SLC13A1: variants seen among roughly 807,000 people sequenced by gnomAD.
The protein encoded by SLC13A1 is solute carrier family 13 member 1, also known as Na(+)/sulfate cotransporter.
In SLC13A1, 65 loss-of-function variants were observed where a neutral mutation model predicts 70.0. The observed-to-expected ratio is 0.93, with a 90% CI of 0.76 to 1.14. The LOEUF (loss-of-function observed/expected upper bound fraction) is 1.14, where lower values mean the gene tolerates loss of function less well. Ranked by LOEUF, SLC13A1 falls within the 50% of genes most tolerant of loss-of-function variation. The pLI is 0.00. For synonymous variants in SLC13A1, 275 were observed against 250.5 expected, an observed-to-expected ratio of 1.10 and a Z score of -0.92; for missense variants, 726 against 717.8, an observed-to-expected ratio of 1.01 and a Z score of -0.13.
At chr7:123,178,795 AG>A (rs1238136664) in intron 2 of SLC13A1, among the ~76,000 whole-genome samples, 3 of 152,172 alleles carry the variant, frequency 2.0e-5, no homozygotes, top group Non-Finnish European at 4.4e-5. Flanking sequence ...TAAACTTACA[AG>A]GTGAAGAGAA....
chr7:123,121,522 A>G (rs918997192), intron 12 of SLC13A1, among the ~76,000 whole-genome samples: 2 of 152,104 alleles, frequency 1.3e-5, no homozygotes, highest in African/African-American at 4.8e-5. Flanking sequence ...ATGGATTGAC[A>G]TGTTTTTGTT....
In SLC13A1 at chr7:123,160,682, C is replaced by G. The variant is rs147876137; in HGVS notation, c.660+7692G>C. The stretch of plus-strand genomic sequence containing the variant: ...AATGAAAAATATTTATTATAGCTGA[C>G]TATGTGCTAGTCCGAAAAGCTGCTT... On this transcript the variant is annotated intron_variant, in intron 6 of 14. Transcript: ENST00000194130. 4.0e-3 allele frequency among the ~76,000 whole-genome samples: 615 copies of G among 152,200 alleles called. 1 individual carries two copies. The highest frequency in any genetic ancestry group is 6.7e-3 in the Non-Finnish European group (459 of 68,016).
chr7:123,157,253 A>G (rs939980466), intron 6 of SLC13A1, among the ~76,000 whole-genome samples: 1 of 152,168 alleles, frequency 6.6e-6, no homozygotes, highest in Non-Finnish European at 1.5e-5. Flanking sequence ...AATAACCTGA[A>G]GAATTCAGAG....
chr7:123,134,301 T>C, intron 8 of SLC13A1, 109 bp downstream of exon 8: 1 of 986,268 alleles, frequency 1.0e-6, no homozygotes, highest in South Asian at 1.7e-5. Flanking sequence ...GCAACAAAAA[T>C]GCAGAAAGGT....
chr7:123,161,807 C>A (rs1794914887), intron 6 of SLC13A1, among the ~76,000 whole-genome samples: 1 of 152,064 alleles, frequency 6.6e-6, no homozygotes, highest in Non-Finnish European at 1.5e-5. Flanking sequence ...TGGACTATAG[C>A]TAACTTGGCA....
At chr7:123,193,506 A>G (rs1208147370) in intron 1 of SLC13A1, among the ~76,000 whole-genome samples, 1 of 152,202 alleles carries the variant, frequency 6.6e-6, no homozygotes, top group Admixed American at 6.5e-5. Flanking sequence ...ATCCAGGCTG[A>G]GAGAGGCATC....
At chr7:123,148,298 A>G (rs1242803959) in intron 6 of SLC13A1, 2 of 303,520 alleles carry the variant, frequency 6.6e-6, no homozygotes, top group African/African-American at 4.5e-5. Flanking sequence ...GAATGACTAC[A>G]CTATGTTCAT....
intron 7 of SLC13A1, among the ~76,000 whole-genome samples, chr7:123,145,993 T>G (rs1289637544): frequency 6.6e-6 from 1 of 152,190 alleles, no homozygotes; most frequent in Non-Finnish European, 1.5e-5. Context: ...TCCTAGGCTT[T>G]CTCAATTGTG....
rs950194314 is a variant in SLC13A1 at position 123,114,692 on chromosome 7, A to G, written c.*826T>C. ...TAAGCAAAGTTGTTACTCATATACG[A>G]AAATATGTTAATAGTTTTATAGTGT... On this transcript the variant is annotated 3_prime_UTR_variant, in exon 15 of 15. Transcript: ENST00000194130. 6.6e-6 allele frequency: 1 copy of G among 152,158 alleles called. No individual in the cohort carries two copies. Among genetic ancestry groups the G allele is most frequent in the African/African-American group, 2.4e-5 (1 of 41,458 alleles). 9.4% of individuals were successfully genotyped at this position (152,158 alleles called of 1,614,324 possible).
At chr7:123,172,436 C>A (rs1165082968) in intron 2 of SLC13A1, among the ~76,000 whole-genome samples, 1 of 152,178 alleles carries the variant, frequency 6.6e-6, no homozygotes, top group African/African-American at 2.4e-5. Context: ...TCCTGGCCAA[C>A]ATAGTGAAAC....
chr7:123,140,298 G>C (rs1029272830), intron 7 of SLC13A1, among the ~76,000 whole-genome samples: 1 of 151,976 alleles, frequency 6.6e-6, no homozygotes, highest in African/African-American at 2.4e-5. Context: ...TGGTCATGAT[G>C]AATGATCTTT....
chr7:123,194,669 G>A (rs1796118297), intron 1 of SLC13A1, among the ~76,000 whole-genome samples: 1 of 151,914 alleles, frequency 6.6e-6, no homozygotes, highest in African/African-American at 2.4e-5. Context: ...AGGAAAGAGA[G>A]GAGAAGATGA....
At chr7:123,124,353 T>G (rs983314414) in intron 11 of SLC13A1, among the ~76,000 whole-genome samples, 7 of 152,150 alleles carry the variant, frequency 4.6e-5, no homozygotes, top group African/African-American at 1.7e-4. Context: ...TGCTCCATAT[T>G]GCATCACCTC....
At chr7:123,199,397 C>A (rs1450000985) in intron 1 of SLC13A1, among the ~76,000 whole-genome samples, 2 of 152,064 alleles carry the variant, frequency 1.3e-5, no homozygotes, top group African/African-American at 4.8e-5. Flanking sequence ...AGTTCTGTGA[C>A]AAAGCCACAG....
intron 6 of SLC13A1, 108 bp from the exon 7 acceptor site, chr7:123,147,418 C>G: frequency 7.8e-7 from 1 of 1,284,090 alleles, no homozygotes; most frequent in Non-Finnish European, 1.1e-6. Context: ...AACCCTAACT[C>G]CTGATGTGAT....
chr7:123,168,383 C>T lies in SLC13A1; in HGVS notation c.651G>A (p.Glu217=). 6.3e-7 allele frequency: 1 copy of T among 1,578,642 alleles called. No individual in the cohort carries two copies. The highest frequency in any genetic ancestry group is 1.1e-5 in the South Asian group (1 of 87,782). Residue 217 remains glutamate, a synonymous_variant, in exon 6 of 15, where the codon GAG becomes GAA. Coordinates refer to ENST00000194130, the MANE Select transcript of SLC13A1 (RefSeq NM_022444.4). The part of the protein sequence containing the change: ...NDTGKISSKV[E]LEKNSGMRTK... ...AATCAAATTTATGTACCTTTTCCAACTCCACCTTGCTTGAAATTTTCCCTG... is the reference window on the plus strand; with the variant it reads ...AATCAAATTTATGTACCTTTTCCAATTCCACCTTGCTTGAAATTTTCCCTG...
At chr7:123,196,240 T>A (rs1461824418) in intron 1 of SLC13A1, among the ~76,000 whole-genome samples, 1 of 152,162 alleles carries the variant, frequency 6.6e-6, no homozygotes, top group Non-Finnish European at 1.5e-5. Context: ...CAGACTTGTT[T>A]ACTGATCATT....
At chr7:123,175,776 A>G (rs1459409653) in intron 2 of SLC13A1, among the ~76,000 whole-genome samples, 1 of 152,192 alleles carries the variant, frequency 6.6e-6, no homozygotes, top group Admixed American at 6.6e-5. Context: ...TACTCTGAGA[A>G]TTAAATAAAA....
intron 7 of SLC13A1, among the ~76,000 whole-genome samples, chr7:123,142,202 C>T (rs1026895765): frequency 6.6e-6 from 1 of 152,134 alleles, no homozygotes; most frequent in Non-Finnish European, 1.5e-5. Flanking sequence ...GCAGTGAAAG[C>T]TCACCCCGTG....
Sources: allele counts gnomAD v4.1 joint callset (sites outside exome capture counted in the v4.1 genomes callset), GRCh38; gene constraint gnomAD v4.1.1; transcripts MANE v1.5; gene names NCBI Gene and HGNC (gene_info 2026-07-23, HGNC 2026-07-21).